MYO3B: variants seen among roughly 807,000 people sequenced by gnomAD.
MYO3B encodes the protein myosin-IIIb.
MYO3B carries 156 observed loss-of-function variants against 174.6 expected under a neutral mutation model. The ratio of observed to expected loss-of-function variants is 0.89; its 90% CI spans 0.78 to 1.02. The LOEUF is 1.02. MYO3B is among the 50% of genes least tolerant of loss of function. MYO3B has a pLI of 0.00. For synonymous variants in MYO3B, 563 were observed against 569.1 expected (o/e 0.99, Z 0.15); for missense variants, 1,632 against 1,639.4 (o/e 1.00, Z 0.08).
chr2:170,634,871 A>T (rs150860326), intron 32 of MYO3B, among the ~76,000 whole-genome samples: 3 of 152,394 alleles, frequency 2.0e-5, no homozygotes, highest in African/African-American at 7.2e-5. Context: ...AAAAATGCTG[A>T]TCATCACTGG....
chr2:170,594,829 A>G (rs56110001), intron 32 of MYO3B, among the ~76,000 whole-genome samples: 2,196 of 69,794 alleles, frequency 0.031, 25 homozygotes, highest in East Asian at 0.14. Flanking sequence ...CAGCGCGCGC[A>G]CACACACACA....
chr2:170,401,739 C>A, intron 18 of MYO3B, 48 bp downstream of exon 18: 1 of 1,549,532 alleles, frequency 6.5e-7, no homozygotes, highest in Non-Finnish European at 8.8e-7. Context: ...GTCATTGACC[C>A]CGCCGTCTCT....
intron 10 of MYO3B, chr2:170,382,714 G>C (rs2094344649): frequency 5.3e-6 from 1 of 189,488 alleles, no homozygotes; most frequent in Non-Finnish European, 1.1e-5. Flanking sequence ...TTACCATTCT[G>C]TCGGTGCTCT....
chr2:170,652,473 G>A (rs1049386342), intron 34 of MYO3B, among the ~76,000 whole-genome samples: 3 of 152,220 alleles, frequency 2.0e-5, no homozygotes, highest in Middle Eastern at 3.4e-3. Flanking sequence ...AGCACTCTAC[G>A]AAGTACAAAT....
chr2:170,240,461 A>G (rs753817534), intron 7 of MYO3B, among the ~76,000 whole-genome samples: 36 of 152,238 alleles, frequency 2.4e-4, no homozygotes, highest in Non-Finnish European at 4.3e-4. Context: ...AGAAAACTCA[A>G]GGATGTTAGG....
At chr2:170,579,560 G>A (rs1232869089) in intron 32 of MYO3B, among the ~76,000 whole-genome samples, 1 of 152,118 alleles carries the variant, frequency 6.6e-6, no homozygotes, top group Non-Finnish European at 1.5e-5. Flanking sequence ...TACTAAATGT[G>A]TAGGCAGAAG....
At chr2:170,545,989 C>T (rs1198438774) in intron 32 of MYO3B, among the ~76,000 whole-genome samples, 1 of 152,196 alleles carries the variant, frequency 6.6e-6, no homozygotes, top group Non-Finnish European at 1.5e-5. Flanking sequence ...ATCTTCTTTT[C>T]TAGCTCTAAC....
chr2:170,409,385 G>C lies in MYO3B; in HGVS notation c.2650+1541G>C, dbSNP rs189539798. On this transcript the variant is annotated intron_variant, in intron 22 of 34. Coordinates refer to ENST00000408978, the MANE Select transcript of MYO3B (RefSeq NM_138995.5). Reference sequence around the variant, plus strand: ...AGCTTTCCTCTTGTTTCTGAATCTTGTTTTGAAACTACACTCCACACCACT... The same window carrying C: ...AGCTTTCCTCTTGTTTCTGAATCTTCTTTTGAAACTACACTCCACACCACT... 9.9e-4 allele frequency among the ~76,000 whole-genome samples: 150 copies of C among 152,246 alleles called. 1 individual carries two copies. The highest frequency in any genetic ancestry group is 2.6e-4 in the Non-Finnish European group (18 of 68,014).
chr2:170,609,406 G>A (rs1695005111), intron 32 of MYO3B, among the ~76,000 whole-genome samples: 1 of 152,134 alleles, frequency 6.6e-6, no homozygotes. Flanking sequence ...AATACATGAT[G>A]TACTAGACCC....
intron 32 of MYO3B, among the ~76,000 whole-genome samples, chr2:170,617,765 C>T (rs1695561155): frequency 6.6e-6 from 1 of 152,168 alleles, no homozygotes. Context: ...AAAATGTTGA[C>T]AATCTCTGTG....
At chr2:170,204,672 T>C (rs1246918804) in intron 3 of MYO3B, among the ~76,000 whole-genome samples, 1 of 152,186 alleles carries the variant, frequency 6.6e-6, no homozygotes, top group Admixed American at 6.5e-5. Flanking sequence ...AGCTACCACA[T>C]TTCCTGAATG....
chr2:170,641,616 A>C (rs1697953800), intron 32 of MYO3B, among the ~76,000 whole-genome samples: 1 of 152,156 alleles, frequency 6.6e-6, no homozygotes, highest in Non-Finnish European at 1.5e-5. Flanking sequence ...AATACCATGC[A>C]AGCATTAGAA....
At chr2:170,307,827 G>T (rs2093711224) in intron 7 of MYO3B, among the ~76,000 whole-genome samples, 1 of 152,196 alleles carries the variant, frequency 6.6e-6, no homozygotes, top group African/African-American at 2.4e-5. Context: ...TCAGAGGCAA[G>T]TTATTCAGAA....
intron 9 of MYO3B, among the ~76,000 whole-genome samples, chr2:170,371,232 A>C (rs945127782): frequency 6.6e-6 from 1 of 151,652 alleles, no homozygotes; most frequent in Non-Finnish European, 1.5e-5. Flanking sequence ...AAAAAAAAAA[A>C]AAAAAAAACC....
At chr2:170,217,259 G>C in intron 5 of MYO3B, 60 bp from the exon 6 acceptor site, 1 of 1,473,738 alleles carries the variant, frequency 6.8e-7, no homozygotes, top group Admixed American at 1.7e-5. Flanking sequence ...AAAGTCTGCC[G>C]ATTGCTGGTC....
intron 30 of MYO3B, among the ~76,000 whole-genome samples, chr2:170,538,286 C>A (rs1689858577): frequency 6.6e-6 from 1 of 152,190 alleles, no homozygotes; most frequent in Admixed American, 6.5e-5. Context: ...AAAGTATAGT[C>A]CAGATCATAC....
intron 28 of MYO3B, among the ~76,000 whole-genome samples, chr2:170,510,428 C>T (rs1298107512): frequency 6.6e-6 from 1 of 152,120 alleles, no homozygotes; most frequent in Non-Finnish European, 1.5e-5. Flanking sequence ...CTCCAAGGAG[C>T]TTGCATTCTA....
chr2:170,329,632 G>A (rs1361533038), intron 7 of MYO3B, among the ~76,000 whole-genome samples: 1 of 151,056 alleles, frequency 6.6e-6, no homozygotes. Flanking sequence ...GACCTCAAGT[G>A]ATCTGCCTGC....
rs191183943 is a variant in MYO3B, at chr2:170,518,827, T to C, written c.3473-611T>C. On this transcript the variant is annotated intron_variant, in intron 29 of 34. Coordinates refer to ENST00000408978, the MANE Select transcript of MYO3B (RefSeq NM_138995.5). ...TTTGACAACCACTGATGTGAAGTGTTAAGAAGGAACTTCAGGTTGAATTAA... is the reference window on the plus strand; with the variant it reads ...TTTGACAACCACTGATGTGAAGTGTCAAGAAGGAACTTCAGGTTGAATTAA... 2.2e-4 allele frequency among the ~76,000 whole-genome samples: 34 copies of C among 152,310 alleles called. No homozygotes were observed. In the East Asian group the frequency reaches 4.8e-3, roughly 22 times the overall value.
Sources: gnomAD v4.1 joint callset for allele counts (sites outside exome capture counted in the v4.1 genomes callset) on GRCh38, gnomAD v4.1.1 for gene constraint, MANE v1.5 for transcripts, NCBI Gene and HGNC (gene_info 2026-07-23, HGNC 2026-07-21) for gene names.